NRG2: variants seen among roughly 807,000 people sequenced by gnomAD.
The protein encoded by NRG2 is pro-neuregulin-2, membrane-bound isoform.
NRG2 carries 27 observed loss-of-function variants against 73.9 expected under a neutral mutation model. That is an observed-to-expected ratio of 0.37 (90% CI 0.27 to 0.50). The LOEUF is 0.50. NRG2 is among the 20% of genes least tolerant of loss of function. The pLI is 0.96. For synonymous variants in NRG2, 532 were observed against 541.0 expected, an observed-to-expected ratio of 0.98 and a Z score of 0.23; for missense variants, 1,126 against 1,210.1, an observed-to-expected ratio of 0.93 and a Z score of 1.03.
intron 1 of NRG2, among the ~76,000 whole-genome samples, chr5:139,952,851 G>T (rs1263604612): frequency 1.3e-5 from 2 of 152,176 alleles, no homozygotes; most frequent in Non-Finnish European, 2.9e-5. Flanking sequence ...GCAGGCCTGG[G>T]TTCAGAGGGA....
intron 1 of NRG2, among the ~76,000 whole-genome samples, chr5:140,021,788 G>A (rs140203967): frequency 3.3e-5 from 5 of 152,160 alleles, no homozygotes; most frequent in Non-Finnish European, 5.9e-5. Flanking sequence ...GGAACACAAC[G>A]CATGAAACAA....
chr5:139,923,139 G>A (rs932672803), intron 1 of NRG2, among the ~76,000 whole-genome samples: 1 of 152,148 alleles, frequency 6.6e-6, no homozygotes, highest in African/African-American at 2.4e-5. Context: ...TTCGTCAATT[G>A]TAACAAACGT....
chr5:139,884,893 T>A (rs534138439), intron 2 of NRG2, among the ~76,000 whole-genome samples: 14 of 151,816 alleles, frequency 9.2e-5, no homozygotes, highest in African/African-American at 3.4e-4. Context: ...GGAGGCCAGA[T>A]AAGAAATGTG....
intron 1 of NRG2, among the ~76,000 whole-genome samples, chr5:139,955,109 C>T (rs1248056392): frequency 6.6e-6 from 1 of 152,166 alleles, no homozygotes; most frequent in Admixed American, 6.5e-5. Flanking sequence ...AGAGGGTTAT[C>T]CCCGGCCCTT....
chr5:139,979,051 A>ACTC (rs750351166), intron 1 of NRG2, among the ~76,000 whole-genome samples: 25 of 129,334 alleles, frequency 1.9e-4, no homozygotes, highest in Non-Finnish European at 3.3e-4. Flanking sequence ...ATACAAGGAC[A>ACTC]CAGGAAGGGA....
In NRG2 at chr5:139,865,446, G is replaced by T. The variant is rs1044502009; in HGVS notation, c.1189+103C>A. ...AGAGAAACAAAACAAAACAGCCAAAGATCAAAACAACCAACACCCCTGGCC... is the reference window on the plus strand; with the variant it reads ...AGAGAAACAAAACAAAACAGCCAAATATCAAAACAACCAACACCCCTGGCC... On this transcript the variant is annotated intron_variant, in intron 5 of 9. Transcript: ENST00000361474. The surrounding 1 kb of genome is among the most constrained non-coding windows in gnomAD (Gnocchi z 5.2). The T allele has an allele frequency of 2.3e-6, 2 of 866,164 alleles. No homozygotes were observed. Among genetic ancestry groups the T allele is most frequent in the African/African-American group, 1.7e-5 (1 of 58,608 alleles). The allele number at this position is 866,164 out of a possible 1,614,324, so 53.7% of individuals were successfully genotyped here.
intron 2 of NRG2, 80 bp from the exon 3 acceptor site, chr5:139,881,054 C>T: frequency 2.5e-6 from 3 of 1,182,274 alleles, no homozygotes; most frequent in Non-Finnish European, 3.8e-6. Flanking sequence ...CAGCGGTTGC[C>T]TCTCTCCACA....
chr5:139,868,407 G>A lies in NRG2; in HGVS notation c.1113-2782C>T, dbSNP rs1261371998. Among the ~76,000 whole-genome samples the A allele has an allele frequency of 6.6e-6, 1 of 152,098 alleles. No homozygotes were observed. The highest frequency in any genetic ancestry group is 1.5e-5 in the Non-Finnish European group (1 of 68,000). ...AGCATTGGGGGCTGGGTGGTGGTTGGTGGTTTCCACTGAAACTGGGATTGA... is the reference window on the plus strand; with the variant it reads ...AGCATTGGGGGCTGGGTGGTGGTTGATGGTTTCCACTGAAACTGGGATTGA... On this transcript the variant is annotated intron_variant, in intron 4 of 9. Coordinates refer to ENST00000361474, the MANE Select transcript of NRG2 (RefSeq NM_004883.3). The surrounding 1 kb of genome is among the most constrained non-coding windows in gnomAD (Gnocchi z 4.2).
intron 1 of NRG2, among the ~76,000 whole-genome samples, chr5:139,927,102 C>A (rs1752114636): frequency 6.6e-6 from 1 of 152,210 alleles, no homozygotes; most frequent in Non-Finnish European, 1.5e-5. Flanking sequence ...CCACATTGGG[C>A]TGTCTCTAAT....
intron 1 of NRG2, among the ~76,000 whole-genome samples, chr5:139,965,794 C>T (rs150786356): frequency 5.3e-5 from 8 of 152,278 alleles, no homozygotes; most frequent in Admixed American, 3.9e-4. Flanking sequence ...TTGCCAAGGT[C>T]AGGATGTGAC....
At chr5:139,907,192 A>G (rs1353552065) in intron 1 of NRG2, among the ~76,000 whole-genome samples, 1 of 152,094 alleles carries the variant, frequency 6.6e-6, no homozygotes. Context: ...GAGAGGAGGC[A>G]GGCAGTGGTC....
intron 1 of NRG2, among the ~76,000 whole-genome samples, chr5:139,975,065 G>A (rs2126542974): frequency 6.6e-6 from 1 of 152,324 alleles, no homozygotes; most frequent in Admixed American, 6.5e-5. Flanking sequence ...TGTCGTACAT[G>A]TCTACTTGTC....
intron 4 of NRG2, among the ~76,000 whole-genome samples, chr5:139,867,254 G>A (rs564152949): frequency 2.4e-4 from 37 of 152,324 alleles, no homozygotes; most frequent in African/African-American, 7.9e-4. Context: ...GAGTTTCTCT[G>A]GGCCTTGATG....
intron 1 of NRG2, among the ~76,000 whole-genome samples, chr5:139,993,309 C>A (rs924166830): frequency 6.6e-6 from 1 of 152,208 alleles, no homozygotes; most frequent in African/African-American, 2.4e-5. Flanking sequence ...TTCTCATCTA[C>A]ATCTACCTCT....
chr5:140,037,739 C>G (rs1761610089), intron 1 of NRG2, among the ~76,000 whole-genome samples: 1 of 151,902 alleles, frequency 6.6e-6, no homozygotes, highest in Non-Finnish European at 1.5e-5. Context: ...GAAAACCCGT[C>G]TCTACTAAAA....
At chr5:139,969,504 A>G (rs908193188) in intron 1 of NRG2, among the ~76,000 whole-genome samples, 1 of 152,236 alleles carries the variant, frequency 6.6e-6, no homozygotes, top group African/African-American at 2.4e-5. Flanking sequence ...GGTGCGTTCA[A>G]GCAAGGCAGG....
intron 1 of NRG2, among the ~76,000 whole-genome samples, chr5:140,027,220 G>A (rs1760766082): frequency 6.6e-6 from 1 of 152,168 alleles, no homozygotes. Context: ...CTGGGTTCAA[G>A]CAATCCACCT....
intron 5 of NRG2, among the ~76,000 whole-genome samples, chr5:139,861,139 C>G (rs1201991046): frequency 6.6e-6 from 1 of 152,224 alleles, no homozygotes; most frequent in African/African-American, 2.4e-5. Flanking sequence ...GTCCAAAGTG[C>G]TTGCACACAG....
intron 1 of NRG2, among the ~76,000 whole-genome samples, chr5:139,896,647 A>G (rs878943255): frequency 1.3e-5 from 2 of 152,012 alleles, no homozygotes; most frequent in Admixed American, 1.3e-4. Context: ...CTTCTCCTGG[A>G]TTTCCTCTTT....
Sources: gnomAD v4.1 joint callset for allele counts (sites outside exome capture counted in the v4.1 genomes callset) on GRCh38, gnomAD v4.1.1 for gene constraint, Gnocchi (gnomAD v3.1) non-coding constraint, MANE v1.5 for transcripts, NCBI Gene and HGNC (gene_info 2026-07-23, HGNC 2026-07-21) for gene names.